CCDC136: variants seen among roughly 807,000 people sequenced by gnomAD.
The protein encoded by CCDC136 is coiled-coil domain containing 136, also known as coiled-coil domain-containing protein 136.
A neutral mutation model predicts 141.2 loss-of-function variants in CCDC136; 100 were observed. That is an observed-to-expected ratio of 0.71 (90% CI 0.60 to 0.84). The LOEUF is 0.84. Ranked by LOEUF, CCDC136 falls within the 40% of genes least tolerant of loss-of-function variation. CCDC136 has a pLI of 0.00. For synonymous variants in CCDC136, 474 were observed against 531.9 expected (o/e 0.89, Z 1.50); for missense variants, 1,206 against 1,379.4 (o/e 0.87, Z 1.99).
rs771026406 is a variant in CCDC136, at chr7:128,809,606, C to T, written c.1762C>T (p.Leu588Phe). Residue 588 changes from leucine (L) to phenylalanine (F), a missense_variant, in exon 11 of 18, where the codon CTC becomes TTC. Coordinates refer to ENST00000297788, the MANE Select transcript of CCDC136 (RefSeq NM_022742.5). ...CCAGCTGCAGGAAGAGCTGCACAGG[C>T]TCACACTGCCACTGCCAAAGAGTGG... The part of the protein sequence containing the change: ...QGQLQEELHR[L>F]TLPLPKSGLL... 3.1e-5 allele frequency: 48 copies of T among 1,557,920 alleles called. No homozygotes were observed. The highest frequency in any genetic ancestry group is 3.9e-5 in the Non-Finnish European group (45 of 1,151,752).
Position 128,801,264 on chromosome 7 carries a change from A to G in CCDC136, c.425A>G (p.Glu142Gly). ...AGCGAACTTAAGGAAATAGAACAGGAATTGCATTTGGCCCAGGCTGAGATC... is the reference window on the plus strand; with the variant it reads ...AGCGAACTTAAGGAAATAGAACAGGGATTGCATTTGGCCCAGGCTGAGATC... The part of the protein sequence containing the change: ...KESELKEIEQ[E>G]LHLAQAEIQS... The change falls in exon 4 of 18, where the codon GAA (glutamate) becomes GGA (glycine). Residue 142 changes from glutamate to glycine, a missense_variant. Coordinates refer to ENST00000297788, the MANE Select transcript of CCDC136 (RefSeq NM_022742.5). 1 of 1,613,926 alleles carries G rather than the reference A, an allele frequency of 6.2e-7. No individual in the cohort carries two copies. Among genetic ancestry groups the G allele is most frequent in the East Asian group, 2.2e-5 (1 of 44,874 alleles).
Position 128,814,806 on chromosome 7 carries a change from G to GC in CCDC136, c.2935dup (p.Arg979ProfsTer6), listed in dbSNP as rs749000859. Reference sequence around the variant, plus strand: ...GAAGAGGCCTTCTGTTGTCAAAGAAGCCCGGGGGAAGAATGCTAATAAGAA... The same window carrying GC: ...GAAGAGGCCTTCTGTTGTCAAAGAAGCCCCGGGGGAAGAATGCTAATAAGAA... On this transcript the variant is annotated frameshift_variant, in exon 15 of 18. Coordinates refer to ENST00000297788, the MANE Select transcript of CCDC136 (RefSeq NM_022742.5). LOFTEE classifies it high-confidence loss of function. 1 of 1,612,114 alleles carries GC rather than the reference G, an allele frequency of 6.2e-7. No homozygotes were observed. Among genetic ancestry groups the GC allele is most frequent in the Non-Finnish European group, 8.5e-7 (1 of 1,179,070 alleles).
In CCDC136 at chr7:128,817,771, C is replaced by G. The variant is rs180873354; in HGVS notation, c.3377C>G (p.Pro1126Arg). 2 of 1,613,714 alleles carry G rather than the reference C, an allele frequency of 1.2e-6. No individual in the cohort carries two copies. Among genetic ancestry groups the G allele is most frequent in the East Asian group, 2.2e-5 (1 of 44,866 alleles). ...LSESKKSSPT[P>R]NPPIFSLPLV... ...GGTGTGTTGCAGTCATCCCCTACCCCCAATCCCCCCATCTTCTCCTTGCCT... is the reference window on the plus strand; with the variant it reads ...GGTGTGTTGCAGTCATCCCCTACCCGCAATCCCCCCATCTTCTCCTTGCCT... The change falls in exon 17 of 18, where the codon CCC becomes CGC. Residue 1126 changes from proline (P) to arginine (R), a missense_variant. Physicochemically the swap from Pro to Arg is moderately radical, Grantham distance 103. Coordinates refer to ENST00000297788, the MANE Select transcript of CCDC136 (RefSeq NM_022742.5). This position sits in a 1 kb window ranked among gnomAD's most constrained non-coding sequence, Gnocchi z 4.6.
rs1421730187 is a variant in CCDC136, at chr7:128,821,570, C to T, written c.*6-229C>T. The stretch of plus-strand genomic sequence containing the variant: ...AGTATTCTCAGCCCATGGGGAGAAA[C>T]GGAGGCCTGAATACAGGCGGTCACC... On this transcript the variant is annotated intron_variant, in intron 17 of 17. Coordinates refer to ENST00000297788, the MANE Select transcript of CCDC136 (RefSeq NM_022742.5). This position sits in a 1 kb window ranked among gnomAD's most constrained non-coding sequence, Gnocchi z 5.1. 6.6e-6 allele frequency among the ~76,000 whole-genome samples: 1 copy of T among 152,148 alleles called. No homozygotes were observed. Among genetic ancestry groups the T allele is most frequent in the Non-Finnish European group, 1.5e-5 (1 of 68,032 alleles).
chr7:128,813,110 T>A (rs1403341258), intron 14 of CCDC136, among the ~76,000 whole-genome samples, 181 bp downstream of exon 14: 1 of 152,232 alleles, frequency 6.6e-6, no homozygotes, highest in Non-Finnish European at 1.5e-5. Flanking sequence ...GGTTTACTAG[T>A]CATCAGGACT....
chr7:128,804,092 A>G (rs1562914951), intron 4 of CCDC136, among the ~76,000 whole-genome samples: 1 of 152,216 alleles, frequency 6.6e-6, no homozygotes, highest in Non-Finnish European at 1.5e-5. Flanking sequence ...TTGGGATTAC[A>G]GGCTTGAGCC....
chr7:128,804,824 C>A, intron 5 of CCDC136, 63 bp downstream of exon 5: 1 of 1,080,498 alleles, frequency 9.3e-7, no homozygotes, highest in Non-Finnish European at 1.4e-6. Context: ...TTACCTTGGG[C>A]TTTCCCTGAA....
chr7:128,801,535 T>C, intron 4 of CCDC136, 26 bp downstream of exon 4: 1 of 1,496,242 alleles, frequency 6.7e-7, no homozygotes, highest in Non-Finnish European at 9.2e-7. Flanking sequence ...AGTGGGTCAG[T>C]AAAGTCAAGC....
chr7:128,791,360 G>A (rs1033427840), upstream of CCDC136: 35 of 499,716 alleles, frequency 7.0e-5, no homozygotes, highest in Non-Finnish European at 9.5e-5. This position sits in a 1 kb window ranked among gnomAD's most constrained non-coding sequence, Gnocchi z 7.1. Flanking sequence ...GCGGCGGGGG[G>A]CGGTGTCAGG....
rs760764743 is a variant in CCDC136, at chr7:128,801,300, G to A, written c.461G>A (p.Arg154Gln). 26 of 1,613,758 alleles carry A rather than the reference G, an allele frequency of 1.6e-5. No homozygotes were observed. Among genetic ancestry groups the A allele is most frequent in the Middle Eastern group, 1.7e-4 (1 of 6,060 alleles). The change falls in exon 4 of 18, where the codon CGG (arginine) becomes CAG (glutamine). Residue 154 changes from arginine (R) to glutamine (Q), a missense_variant. Transcript: ENST00000297788. ...GCCCAGGCTGAGATCCAGAGTCTGC[G>A]GCAAGCAGCAGAGGATTCCGCAACT... is the stretch of plus-strand genomic sequence containing the variant. ...HLAQAEIQSL[R>Q]QAAEDSATEH...
chr7:128,801,645 A>G lies in CCDC136; in HGVS notation c.670+136A>G, dbSNP rs897640968. On this transcript the variant is annotated intron_variant, in intron 4 of 17. Coordinates refer to ENST00000297788, the MANE Select transcript of CCDC136 (RefSeq NM_022742.5). Reference sequence around the variant, plus strand: ...ACCTCCAGGTTGAATTCAAGACTGTAGGGGTCCAGGCGTGATGGCTCATGC... The same window carrying G: ...ACCTCCAGGTTGAATTCAAGACTGTGGGGGTCCAGGCGTGATGGCTCATGC... 10 of 670,530 alleles carry G rather than the reference A, an allele frequency of 1.5e-5. No individual in the cohort carries two copies. In the African/African-American group the frequency reaches 1.6e-4, roughly 11 times the overall value. 41.5% of individuals were successfully genotyped at this position (670,530 alleles called of 1,614,324 possible).
Position 128,812,713 on chromosome 7 carries a change from T to C in CCDC136, c.2547T>C (p.Phe849=). The C allele has an allele frequency of 6.2e-7, 1 of 1,612,092 alleles. No homozygotes were observed. The highest frequency in any genetic ancestry group is 8.5e-7 in the Non-Finnish European group (1 of 1,179,410). Residue 849 remains phenylalanine (F), a synonymous_variant, in exon 14 of 18, where the codon TTT becomes TTC. Coordinates refer to ENST00000297788, the MANE Select transcript of CCDC136 (RefSeq NM_022742.5). ...EPAEPEDMER[F]EEMVVKVLIK... is the part of the protein sequence containing the mutation. ...TGCTCCCCCACCCCCCGCAGCGCTT[T>C]GAGGAAATGGTTGTGAAAGTGCTGA...
chr7:128,792,784 A>C (rs1278128751), intron 1 of CCDC136, among the ~76,000 whole-genome samples: 1 of 152,252 alleles, frequency 6.6e-6, no homozygotes, highest in Non-Finnish European at 1.5e-5. Context: ...TTATTTTAAA[A>C]AGCAAGGAAC....
intron 3 of CCDC136, among the ~76,000 whole-genome samples, chr7:128,796,740 T>TATATATATATATATATATA (rs61079649): frequency 3.1e-4 from 39 of 124,694 alleles, no homozygotes; most frequent in African/African-American, 7.8e-4. Flanking sequence ...TATATATATA[T>TATATATATATATATATATA]TCTTTTTTTT....
intron 12 of CCDC136, chr7:128,811,472 A>G: frequency 2.3e-6 from 1 of 433,486 alleles, no homozygotes; most frequent in East Asian, 6.3e-5. Flanking sequence ...CCTGACTGAG[A>G]AGAGGGTGTG....
At chr7:128,807,658 G>A (rs1022093773) in intron 10 of CCDC136, 113 bp downstream of exon 10, 10 of 614,506 alleles carry the variant, frequency 1.6e-5, no homozygotes, top group Non-Finnish European at 2.3e-5. Flanking sequence ...TTCCTAGGCA[G>A]GAAGCAGAGG....
Position 128,810,170 on chromosome 7 carries a change from T to G in CCDC136, c.1832T>G (p.Leu611Arg), listed in dbSNP as rs1805492429. Reference sequence around the variant, plus strand: ...GAGCTACTCACCAAGTTAGAAGACCTGTGTGAGCTGCAGCTGCTCTACCAA... The same window carrying G: ...GAGCTACTCACCAAGTTAGAAGACCGGTGTGAGCTGCAGCTGCTCTACCAA... The part of the protein sequence containing the change: ...SQELLTKLED[L>R]CELQLLYQGM... Residue 611 changes from leucine (L) to arginine (R), a missense_variant, in exon 12 of 18, where the codon CTG (leucine) becomes CGG (arginine). Transcript: ENST00000297788. 1 of 1,601,672 alleles carries G rather than the reference T, an allele frequency of 6.2e-7. No homozygotes were observed.
Position 128,806,227 on chromosome 7 carries a change from C to A in CCDC136, c.1090-10C>A. The A allele has an allele frequency of 1.3e-6, 2 of 1,551,620 alleles. No individual in the cohort carries two copies. The highest frequency in any genetic ancestry group is 1.7e-6 in the Non-Finnish European group (2 of 1,144,348). On this transcript the variant is annotated splice_polypyrimidine_tract_variant and intron_variant, in intron 7 of 17. Transcript: ENST00000297788. ...GAGTAACTGTTCTACTCACATCCTC[C>A]CTACCACAGAATGAGGAGCTGAAGT... is the stretch of plus-strand genomic sequence containing the variant.
intron 10 of CCDC136, chr7:128,808,892 G>A: frequency 1.0e-6 from 1 of 985,292 alleles, no homozygotes. Flanking sequence ...TCTGATATTA[G>A]AAGATCTGGG....
Sources: allele counts gnomAD v4.1 joint callset (sites outside exome capture counted in the v4.1 genomes callset), GRCh38; gene constraint gnomAD v4.1.1; non-coding constraint Gnocchi (gnomAD v3.1); transcripts MANE v1.5; gene names NCBI Gene and HGNC (gene_info 2026-07-23, HGNC 2026-07-21).